The following MFAP1 variants were observed in gnomAD, a reference collection of about 807,000 sequenced individuals.
The protein encoded by MFAP1 is microfibril associated protein 1.
MFAP1 carries 18 observed loss-of-function variants against 62.2 expected under a neutral mutation model. The observed-to-expected ratio is 0.29, with a 90% CI of 0.20 to 0.43. The LOEUF (loss-of-function observed/expected upper bound fraction) is 0.43, where lower values mean the gene tolerates loss of function less well. MFAP1 is among the 20% of genes least tolerant of loss of function. The pLI is 1.00. For missense variants in MFAP1, 355 were observed against 559.7 expected (o/e 0.63, Z 3.69); for synonymous variants, 175 against 180.4 (o/e 0.97, Z 0.24).
At chr15:43,805,613 ATTC>A (rs2087357755) in intron 7 of MFAP1, 148 bp from the exon 8 acceptor site, 2 of 631,662 alleles carry the variant, frequency 3.2e-6, no homozygotes, top group Admixed American at 3.6e-5. Flanking sequence ...AAGAGATGAC[ATTC>A]TTTTTTTTTT....
chr15:43,807,337 A>T (rs568737931), intron 7 of MFAP1, among the ~76,000 whole-genome samples: 3 of 151,234 alleles, frequency 2.0e-5, no homozygotes, highest in Admixed American at 2.0e-4. Context: ...GGTGACAAAA[A>T]AAAAAATTAT....
intron 1 of MFAP1, among the ~76,000 whole-genome samples, chr15:43,822,786 T>C (rs750906944): frequency 1.3e-5 from 2 of 152,116 alleles, no homozygotes; most frequent in African/African-American, 2.4e-5. Flanking sequence ...CTGCTTTGGC[T>C]TCCCCCAAGT....
At position 43,804,997 on chromosome 15, in the gene MFAP1, G is replaced by T. The variant is rs895151195; in HGVS notation, c.*97C>A. 1.5e-6 allele frequency: 2 copies of T among 1,329,240 alleles called. No individual in the cohort carries two copies. Among genetic ancestry groups the T allele is most frequent in the African/African-American group, 1.5e-5 (1 of 68,006 alleles). 82.3% of individuals were successfully genotyped at this position (1,329,240 alleles called of 1,614,324 possible). On this transcript the variant is annotated 3_prime_UTR_variant, in exon 9 of 9. Coordinates refer to ENST00000267812, the MANE Select transcript of MFAP1 (RefSeq NM_005926.3). ...AGTATAGCAGTAAGTCCAATATCTG[G>T]ATACAGGGGCCAAGGAAACAATGAA...
chr15:43,812,912 AAT>A, intron 6 of MFAP1, 73 bp downstream of exon 6: 1 of 1,505,122 alleles, frequency 6.6e-7, no homozygotes, highest in Non-Finnish European at 9.0e-7. Flanking sequence ...CACAGTAGGT[AAT>A]GAGTCTCAGA....
chr15:43,816,972 T>C (rs1460770809), intron 2 of MFAP1, among the ~76,000 whole-genome samples: 2 of 152,234 alleles, frequency 1.3e-5, no homozygotes, highest in African/African-American at 2.4e-5. Context: ...GTAGGTCCTT[T>C]AGGCCAGAAG....
At chr15:43,812,616 G>C (rs1395638339) in intron 6 of MFAP1, among the ~76,000 whole-genome samples, 1 of 152,198 alleles carries the variant, frequency 6.6e-6, no homozygotes, top group Non-Finnish European at 1.5e-5. Context: ...GAAATCAGTA[G>C]AGGAACTGTT....
intron 6 of MFAP1, among the ~76,000 whole-genome samples, chr15:43,812,610 T>A (rs1170367523): frequency 6.6e-6 from 1 of 152,120 alleles, no homozygotes; most frequent in African/African-American, 2.4e-5. Context: ...CCAGGTGAAA[T>A]CAGTAGAGGA....
chr15:43,810,235 AT>A (rs1470949215), intron 6 of MFAP1: 1 of 233,130 alleles, frequency 4.3e-6, no homozygotes, highest in African/African-American at 2.3e-5. Flanking sequence ...AAAAAAAAAA[AT>A]CAGTGAATTT....
At chr15:43,817,578 T>G (rs950325899) in intron 1 of MFAP1, 130 bp from the exon 2 acceptor site, 2 of 853,216 alleles carry the variant, frequency 2.3e-6, no homozygotes, top group African/African-American at 1.7e-5. Flanking sequence ...AGAGAGCCAC[T>G]ACCCAACCAT....
chr15:43,820,067 G>T (rs1344695095), intron 1 of MFAP1, among the ~76,000 whole-genome samples: 2 of 152,216 alleles, frequency 1.3e-5, no homozygotes, highest in Non-Finnish European at 2.9e-5. Flanking sequence ...AGAATGGCGT[G>T]AACCCGGGAC....
At chr15:43,823,056 C>T (rs949925667) in intron 1 of MFAP1, among the ~76,000 whole-genome samples, 3 of 151,606 alleles carry the variant, frequency 2.0e-5, no homozygotes, top group Non-Finnish European at 2.9e-5. Flanking sequence ...AGGTTGGTCT[C>T]GAACTCTTGA....
intron 1 of MFAP1, among the ~76,000 whole-genome samples, chr15:43,820,259 G>A (rs2141712698): frequency 6.6e-6 from 1 of 152,302 alleles, no homozygotes; most frequent in South Asian, 2.1e-4. Flanking sequence ...GGAGCTTGCA[G>A]TGAGCCGAGA....
At chr15:43,815,179 C>A in intron 2 of MFAP1, 105 bp from the exon 3 acceptor site, 1 of 1,444,910 alleles carries the variant, frequency 6.9e-7, no homozygotes, top group Non-Finnish European at 9.4e-7. Flanking sequence ...TTCATTAATA[C>A]TGAAGTTTTT....
intron 2 of MFAP1, among the ~76,000 whole-genome samples, chr15:43,816,001 C>A (rs889550588): frequency 2.6e-5 from 4 of 152,046 alleles, no homozygotes; most frequent in African/African-American, 4.8e-5. Context: ...ACATTCCTTT[C>A]GAGAATATCG....
chr15:43,807,470 T>C (rs1347478570), intron 7 of MFAP1, among the ~76,000 whole-genome samples: 2 of 151,266 alleles, frequency 1.3e-5, no homozygotes, highest in Non-Finnish European at 3.0e-5. Context: ...TGCCTCAGCC[T>C]CCCAAGTAGC....
chr15:43,810,658 C>T (rs1047875825), intron 6 of MFAP1, among the ~76,000 whole-genome samples: 28 of 152,138 alleles, frequency 1.8e-4, no homozygotes, highest in African/African-American at 6.3e-4. Context: ...TGAGCCACTG[C>T]GCCCAGCCAG....
At chr15:43,807,830 A>C (rs1001788798) in intron 7 of MFAP1, among the ~76,000 whole-genome samples, 2 of 152,190 alleles carry the variant, frequency 1.3e-5, no homozygotes, top group African/African-American at 4.8e-5. Context: ...ATATGCACTA[A>C]AGCTTACTTA....
At chr15:43,812,149 C>T (rs1371666182) in intron 6 of MFAP1, among the ~76,000 whole-genome samples, 2 of 149,906 alleles carry the variant, frequency 1.3e-5, no homozygotes, top group Admixed American at 6.7e-5. Context: ...GAGATTGTGA[C>T]ACTTCACTGC....
chr15:43,821,788 A>G (rs187934413), intron 1 of MFAP1, among the ~76,000 whole-genome samples: 9 of 152,276 alleles, frequency 5.9e-5, no homozygotes, highest in East Asian at 1.9e-4. Flanking sequence ...ACTCAATTTA[A>G]TATATACAAA....
Sources: allele counts gnomAD v4.1 joint callset (sites outside exome capture counted in the v4.1 genomes callset), GRCh38; gene constraint gnomAD v4.1.1; transcripts MANE v1.5; gene names NCBI Gene and HGNC (gene_info 2026-07-23, HGNC 2026-07-21).